Variants in SYBU observed in about 807,000 individuals in gnomAD.
SYBU encodes syntabulin.
Under a neutral mutation model 35.9 loss-of-function variants are expected in SYBU, and 21 were observed. That is an observed-to-expected ratio of 0.58 (90% CI 0.41 to 0.84). The LOEUF is 0.84. Among genes scored for constraint, SYBU ranks in the 40% least tolerant of loss-of-function variants. The pLI is 0.00. For synonymous variants in SYBU, 319 were observed against 324.3 expected (o/e 0.98, Z 0.18); for missense variants, 768 against 848.2 (o/e 0.91, Z 1.17).
upstream of SYBU, among the ~76,000 whole-genome samples, chr8:109,649,646 C>A (rs1455937703): frequency 6.6e-6 from 1 of 152,126 alleles, no homozygotes; most frequent in East Asian, 1.9e-4. Flanking sequence ...TATGGGAGAG[C>A]AGACATGAGA....
chr8:109,590,073 CA>C (rs1157923496), intron 3 of SYBU, among the ~76,000 whole-genome samples: 2 of 151,918 alleles, frequency 1.3e-5, no homozygotes, highest in African/African-American at 2.4e-5. Flanking sequence ...CCCCAAAATA[CA>C]CATATTTTTA....
chr8:109,618,764 T>C, intron 3 of SYBU, 78 bp downstream of exon 3: 1 of 1,296,512 alleles, frequency 7.7e-7, no homozygotes, highest in South Asian at 1.2e-5. Flanking sequence ...CGACTCGATA[T>C]ACAGGTGTTT....
chr8:109,639,796 G>A (rs1018281113), intron 2 of SYBU, among the ~76,000 whole-genome samples: 1 of 152,194 alleles, frequency 6.6e-6, no homozygotes, highest in African/African-American at 2.4e-5. Flanking sequence ...GGTTGGACAT[G>A]TCTTACATTC....
upstream of SYBU, chr8:109,645,626 G>GTTTTTTTTTTTTTTTTTTTTTTTTTTTTT (rs201121007): frequency 3.2e-4 from 78 of 244,824 alleles, 7 homozygotes; most frequent in African/African-American, 2.1e-3. Context: ...TTGTTGTTTC[G>GTTTTTTTTTTTTTTTTTTTTTTTTTTTTT]TTTTTTGTTT....
intron 3 of SYBU, among the ~76,000 whole-genome samples, chr8:109,590,981 TAA>T (rs982671286): frequency 1.3e-5 from 2 of 152,160 alleles, no homozygotes; most frequent in Non-Finnish European, 2.9e-5. Context: ...ACAGAGTTAG[TAA>T]GAGTGTGAAT....
intron 1 of SYBU, among the ~76,000 whole-genome samples, chr8:109,663,535 A>AT (rs1816650543): frequency 6.6e-6 from 1 of 152,146 alleles, no homozygotes; most frequent in Non-Finnish European, 1.5e-5. Context: ...GTAAGTGCAT[A>AT]TTTTTGAAAA....
chr8:109,586,094 T>C lies in SYBU; in HGVS notation c.496A>G (p.Thr166Ala). ...SISAPEVHMS[T>A]AGSKRSSSSR... ...GAAGAAGACCGCTTGCTTCCCGCAG[T>C]CGACATATGGACCTCAGGAGCGGAA... is the stretch of plus-strand genomic sequence containing the variant. The change falls in exon 4 of 7, where the codon ACT (threonine) becomes GCT (alanine). Residue 166 changes from threonine to alanine, a missense_variant. Thr to Ala is a moderately conservative substitution (Grantham distance 58). Transcript: ENST00000276646. 1 of 1,612,076 alleles carries C rather than the reference T, an allele frequency of 6.2e-7. No individual in the cohort carries two copies. The highest frequency in any genetic ancestry group is 2.2e-5 in the East Asian group (1 of 44,856).
At position 109,644,706 on chromosome 8, in the gene SYBU, G is replaced by A. The variant is rs1386524696; in HGVS notation, c.-47C>T. On this transcript the variant is annotated 5_prime_UTR_variant, in exon 1 of 7. Coordinates refer to ENST00000276646, the MANE Select transcript of SYBU (RefSeq NM_001099754.2). ...CTCGCGCCGCCGCTGCCGCCGTCCA[G>A]GAGGAGGCACCTGCGAGCACGGAGC... 1.4e-6 allele frequency: 2 copies of A among 1,479,486 alleles called. No homozygotes were observed. The highest frequency in any genetic ancestry group is 1.8e-6 in the Non-Finnish European group (2 of 1,123,416). 91.6% of individuals were successfully genotyped at this position (1,479,486 alleles called of 1,614,324 possible).
chr8:109,616,256 C>T (rs566425682), intron 3 of SYBU, among the ~76,000 whole-genome samples: 44 of 151,932 alleles, frequency 2.9e-4, no homozygotes, highest in Admixed American at 2.0e-3. Flanking sequence ...GTGATCCACC[C>T]GCCTCAGCCT....
At chr8:109,685,194 G>C (rs34974596), upstream of SYBU, among the ~76,000 whole-genome samples, 2 of 152,206 alleles carry the variant, frequency 1.3e-5, no homozygotes, top group Non-Finnish European at 2.9e-5. Flanking sequence ...AAGTGAAGTG[G>C]CATGTGTAAA....
chr8:109,664,927 C>T (rs1430921620), intron 1 of SYBU, among the ~76,000 whole-genome samples: 4 of 152,124 alleles, frequency 2.6e-5, no homozygotes, highest in Non-Finnish European at 5.9e-5. Context: ...ACTGTGAAAT[C>T]CATGCCACCA....
At position 109,619,127 on chromosome 8, in the gene SYBU, C is replaced by T. The variant is rs1187798237; in HGVS notation, c.230-88G>A. 14 of 952,040 alleles carry T rather than the reference C, an allele frequency of 1.5e-5. No homozygotes were observed. In the Admixed American group the frequency reaches 2.1e-4, roughly 14 times the overall value. The allele number at this position is 952,040 out of a possible 1,614,324, so 59.0% of individuals were successfully genotyped here. On this transcript the variant is annotated intron_variant, in intron 2 of 6. Coordinates refer to ENST00000276646, the MANE Select transcript of SYBU (RefSeq NM_001099754.2). ...ATGCGGTGCACCACACACACGCACA[C>T]GTGCACTCGCACACGTACACTCTGC...
intron 1 of SYBU, among the ~76,000 whole-genome samples, chr8:109,665,237 A>G (rs1287696180): frequency 1.3e-5 from 2 of 152,220 alleles, no homozygotes; most frequent in Non-Finnish European, 2.9e-5. Context: ...ATAAAAATTA[A>G]AATTAGTTGG....
rs878863694 is a variant in SYBU at position 109,574,855 on chromosome 8, C to T, written c.*51G>A. ...GATGATTGACTTCCTGTTTCTCTACCTGGCACAACCCACATGGGACACATT... is the reference window on the plus strand; with the variant it reads ...GATGATTGACTTCCTGTTTCTCTACTTGGCACAACCCACATGGGACACATT... On this transcript the variant is annotated 3_prime_UTR_variant, in exon 7 of 7. Transcript: ENST00000276646. 2.0e-6 allele frequency: 3 copies of T among 1,492,136 alleles called. No homozygotes were observed. The African/African-American group carries it at 4.2e-5, about 21-fold the overall frequency. 92.4% of individuals were successfully genotyped at this position (1,492,136 alleles called of 1,614,324 possible).
intron 2 of SYBU, among the ~76,000 whole-genome samples, chr8:109,624,750 A>T (rs73317092): frequency 0.054 from 8,283 of 152,134 alleles, 762 homozygotes; most frequent in African/African-American, 0.19. Flanking sequence ...ATATATAGAA[A>T]ATAGAATAAT....
intron 3 of SYBU, among the ~76,000 whole-genome samples, chr8:109,604,209 TA>T (rs147632519): frequency 1.6e-4 from 24 of 151,468 alleles, no homozygotes; most frequent in Admixed American, 8.5e-4. Flanking sequence ...CAATAGAATT[TA>T]AAAAAAAACA....
intron 2 of SYBU, among the ~76,000 whole-genome samples, chr8:109,622,974 G>T (rs1812596474): frequency 6.6e-6 from 1 of 152,174 alleles, no homozygotes; most frequent in Admixed American, 6.6e-5. Context: ...AGAAGATGTA[G>T]AAGACTGTTG....
rs1044407752 is a variant in SYBU at position 109,644,810 on chromosome 8, C to A, written c.-151G>T. On this transcript the variant is annotated 5_prime_UTR_variant, in exon 1 of 7. Transcript: ENST00000276646. ...TCCAACGCGCCGCCGCCGCCACTGCCGCCGATTGCTCTGGGCTCCGAGGGC... is the reference window on the plus strand; with the variant it reads ...TCCAACGCGCCGCCGCCGCCACTGCAGCCGATTGCTCTGGGCTCCGAGGGC... 5.4e-6 allele frequency: 4 copies of A among 734,262 alleles called. No individual in the cohort carries two copies. Among genetic ancestry groups the A allele is most frequent in the East Asian group, 3.6e-5 (1 of 27,614 alleles). The allele number at this position is 734,262 out of a possible 1,614,324, so 45.5% of individuals were successfully genotyped here.
chr8:109,638,259 C>A (rs777612433), intron 2 of SYBU, among the ~76,000 whole-genome samples: 19 of 152,172 alleles, frequency 1.2e-4, no homozygotes, highest in Non-Finnish European at 2.4e-4. Flanking sequence ...ATGCTGCTAA[C>A]CATGTCAGGT....
Sources: allele counts gnomAD v4.1 joint callset (sites outside exome capture counted in the v4.1 genomes callset), GRCh38; gene constraint gnomAD v4.1.1; transcripts MANE v1.5; gene names NCBI Gene and HGNC (gene_info 2026-07-23, HGNC 2026-07-21).